Variants in CDYL observed in about 807,000 individuals in gnomAD.
The protein encoded by CDYL is chromodomain Y-like protein.
A neutral mutation model predicts 47.3 loss-of-function variants in CDYL; 8 were observed. The observed-to-expected ratio is 0.17, with a 90% CI of 0.10 to 0.31. The LOEUF is 0.31. CDYL is among the 10% of genes least tolerant of loss of function. The pLI is 1.00. For missense variants in CDYL, 471 were observed against 701.4 expected (o/e 0.67, Z 3.71); for synonymous variants, 266 against 265.0 (o/e 1.00, Z -0.04).
chr6:4,937,002 A>T (rs1481287985), intron 3 of CDYL, among the ~76,000 whole-genome samples: 1 of 152,232 alleles, frequency 6.6e-6, no homozygotes, highest in East Asian at 1.9e-4. Context: ...AAATCATGGT[A>T]GATATCAGTA....
chr6:4,814,503 T>C (rs1399672755), intron 1 of CDYL, among the ~76,000 whole-genome samples: 1 of 152,132 alleles, frequency 6.6e-6, no homozygotes, highest in African/African-American at 2.4e-5. Flanking sequence ...AAGTAGAGTT[T>C]ACAGACAAAT....
intron 1 of CDYL, among the ~76,000 whole-genome samples, chr6:4,859,071 A>G (rs1761091679): frequency 6.6e-6 from 1 of 151,996 alleles, no homozygotes. Context: ...TACACATTTT[A>G]CTGATTTGTT....
chr6:4,734,649 GGAAGGGGAGGGCACAGGGA>G, intron 2 of CDYL: 2 of 1,361,810 alleles, frequency 1.5e-6, no homozygotes, highest in Non-Finnish European at 1.9e-6. Context: ...TCCTAATTCA[GGAAGGGGAGGGCACAGGGA>G]TGGGAAGTTG....
chr6:4,946,979 C>A (rs1042682393), intron 5 of CDYL, among the ~76,000 whole-genome samples: 39 of 152,180 alleles, frequency 2.6e-4, no homozygotes, highest in African/African-American at 9.4e-4. Flanking sequence ...CTCCTGGGAA[C>A]CTAGCAGGGC....
intron 1 of CDYL, among the ~76,000 whole-genome samples, chr6:4,877,372 G>A (rs956733350): frequency 6.6e-6 from 1 of 151,796 alleles, no homozygotes; most frequent in African/African-American, 2.4e-5. Context: ...TTTCTTTCCT[G>A]GTTATTGCTT....
At chr6:4,712,230 G>T (rs1757164440) in intron 1 of CDYL, among the ~76,000 whole-genome samples, 1 of 152,174 alleles carries the variant, frequency 6.6e-6, no homozygotes, top group Admixed American at 6.5e-5. Context: ...TGGAATTCAG[G>T]CTAGGAGCAC....
chr6:4,896,611 G>C (rs954482824), intron 2 of CDYL, among the ~76,000 whole-genome samples: 1 of 152,174 alleles, frequency 6.6e-6, no homozygotes, highest in Admixed American at 6.5e-5. Flanking sequence ...GAAAGCCCTC[G>C]TTCGCCCTCT....
chr6:4,932,212 C>T (rs986567258), intron 2 of CDYL, among the ~76,000 whole-genome samples: 2 of 152,196 alleles, frequency 1.3e-5, no homozygotes, highest in African/African-American at 4.8e-5. Flanking sequence ...TGTAAATACA[C>T]AACAGAATTA....
At chr6:4,795,539 C>T (rs1231374145) in intron 1 of CDYL, among the ~76,000 whole-genome samples, 5 of 152,028 alleles carry the variant, frequency 3.3e-5, no homozygotes, top group Admixed American at 6.5e-5. Context: ...ATTTATTTTC[C>T]ATCGAGAATT....
chr6:4,848,150 A>G (rs1267946047), intron 1 of CDYL, among the ~76,000 whole-genome samples: 2 of 152,224 alleles, frequency 1.3e-5, no homozygotes, highest in Non-Finnish European at 2.9e-5. Context: ...AGGCTCTTCA[A>G]GAAAAATGTG....
chr6:4,753,290 G>A (rs958742090), intron 3 of CDYL, among the ~76,000 whole-genome samples: 41 of 152,086 alleles, frequency 2.7e-4, no homozygotes, highest in Non-Finnish European at 5.0e-4. Flanking sequence ...AACAAGACAA[G>A]AGCTCCCTTA....
intron 2 of CDYL, among the ~76,000 whole-genome samples, chr6:4,732,033 G>A (rs1757614497): frequency 1.3e-5 from 2 of 152,058 alleles, no homozygotes; most frequent in Non-Finnish European, 2.9e-5. Flanking sequence ...ATGTAGAGTT[G>A]ATTTAAAATA....
intron 1 of CDYL, among the ~76,000 whole-genome samples, chr6:4,869,100 T>A (rs887951707): frequency 7.1e-5 from 9 of 127,612 alleles, no homozygotes; most frequent in African/African-American, 3.0e-4. Flanking sequence ...TTCTTTCTTA[T>A]TTTTTTTTTT....
chr6:4,816,332 AGTAGTAAAGGGG>A (rs1449983219), intron 1 of CDYL, among the ~76,000 whole-genome samples: 2 of 151,756 alleles, frequency 1.3e-5, no homozygotes, highest in African/African-American at 4.8e-5. Flanking sequence ...GGATTTTGTA[AGTAGTAAAGGGG>A]TTGCATTTTA....
intron 1 of CDYL, among the ~76,000 whole-genome samples, chr6:4,863,189 G>A (rs896663800): frequency 6.6e-6 from 1 of 152,076 alleles, no homozygotes; most frequent in African/African-American, 2.4e-5. Context: ...TAAACACTGG[G>A]GACTCCAAAA....
chr6:4,739,085 T>C (rs1482084559), intron 3 of CDYL, among the ~76,000 whole-genome samples: 2 of 151,920 alleles, frequency 1.3e-5, no homozygotes, highest in Non-Finnish European at 2.9e-5. Context: ...CGCTTCAACC[T>C]GGGAGGCGGA....
chr6:4,857,844 C>G (rs979572883), intron 1 of CDYL, among the ~76,000 whole-genome samples: 4 of 152,154 alleles, frequency 2.6e-5, no homozygotes, highest in African/African-American at 7.2e-5. Context: ...TTCCTTGAAC[C>G]CTTGCTGAAG....
chr6:4,852,058 G>C (rs1760844985), intron 1 of CDYL, among the ~76,000 whole-genome samples: 1 of 152,090 alleles, frequency 6.6e-6, no homozygotes, highest in African/African-American at 2.4e-5. Context: ...TAAAGCGATG[G>C]CTTCCCCTTT....
intron 2 of CDYL, among the ~76,000 whole-genome samples, chr6:4,725,597 G>C (rs11970273): frequency 6.6e-6 from 1 of 152,194 alleles, no homozygotes; most frequent in Non-Finnish European, 1.5e-5. Context: ...CGGGGCTTGC[G>C]GGCGGACCTG....
Sources: allele counts gnomAD v4.1 joint callset (sites outside exome capture counted in the v4.1 genomes callset), GRCh38; gene constraint gnomAD v4.1.1; transcripts MANE v1.5; gene names NCBI Gene and HGNC (gene_info 2026-07-23, HGNC 2026-07-21).